SOX13: variants seen among roughly 807,000 people sequenced by gnomAD.
SOX13 encodes the protein transcription factor SOX-13.
A neutral mutation model predicts 71.8 loss-of-function variants in SOX13; 28 were observed. That is an observed-to-expected ratio of 0.39 (90% confidence interval 0.29 to 0.53). The LOEUF is 0.53. Ranked by LOEUF, SOX13 falls within the 20% of genes least tolerant of loss-of-function variation. The pLI is 0.70. For missense variants in SOX13, 627 were observed against 810.3 expected, an observed-to-expected ratio of 0.77 and a Z score of 2.75; for synonymous variants, 309 against 317.8, an observed-to-expected ratio of 0.97 and a Z score of 0.29.
intron 1 of SOX13, among the ~76,000 whole-genome samples, chr1:204,104,460 G>A (rs1293903261): frequency 1.3e-5 from 2 of 152,264 alleles, no homozygotes; most frequent in Admixed American, 1.3e-4. Flanking sequence ...TGGTCTGTGA[G>A]AAGAATGGCA....
chr1:204,092,112 A>G (rs2102232953), intron 1 of SOX13, among the ~76,000 whole-genome samples: 1 of 150,370 alleles, frequency 6.7e-6, no homozygotes, highest in Non-Finnish European at 1.5e-5. Context: ...CAGTGGCACG[A>G]CCCTAGCTCA....
intron 12 of SOX13, among the ~76,000 whole-genome samples, chr1:204,124,281 G>T (rs1339737516): frequency 6.6e-6 from 1 of 152,256 alleles, no homozygotes; most frequent in African/African-American, 2.4e-5. Flanking sequence ...TGTCAACTGA[G>T]ACATCAGGTA....
chr1:204,103,306 C>T (rs554638562), intron 1 of SOX13, among the ~76,000 whole-genome samples: 1 of 152,300 alleles, frequency 6.6e-6, no homozygotes, highest in East Asian at 1.9e-4. Context: ...AGACAGTGGC[C>T]ATTCTATCTC....
At chr1:204,105,231 G>A (rs1446954733) in intron 1 of SOX13, among the ~76,000 whole-genome samples, 1 of 152,196 alleles carries the variant, frequency 6.6e-6, no homozygotes, top group Non-Finnish European at 1.5e-5. Flanking sequence ...GGCGAAGATG[G>A]CTGGAGCCCT....
rs1390209365 is a variant in SOX13, at chr1:204,122,221, G to A, written c.862-16G>A. ...TTTGGTGTCTGTCATCCTCTGACCT[G>A]CTGGGTCTCCCTCAGGAGCCCTCCC... On this transcript the variant is annotated splice_polypyrimidine_tract_variant and intron_variant, in intron 8 of 13. Coordinates refer to ENST00000367204, the MANE Select transcript of SOX13 (RefSeq NM_005686.3). The A allele has an allele frequency of 1.9e-6, 3 of 1,556,574 alleles. No individual in the cohort carries two copies. The highest frequency in any genetic ancestry group is 2.0e-5 in the Admixed American group (1 of 50,898).
chr1:204,091,752 G>A (rs1656150778), intron 1 of SOX13, among the ~76,000 whole-genome samples: 1 of 151,586 alleles, frequency 6.6e-6, no homozygotes, highest in Non-Finnish European at 1.5e-5. Flanking sequence ...GTGTGTGTGT[G>A]TGTGTTTGTG....
chr1:204,124,760 C>T lies in SOX13; in HGVS notation c.1495C>T (p.Arg499Cys), dbSNP rs1442823385. The T allele has an allele frequency of 1.2e-6, 2 of 1,608,448 alleles. No homozygotes were observed. Among genetic ancestry groups the T allele is most frequent in the Non-Finnish European group, 1.7e-6 (2 of 1,177,710 alleles). Residue 499 changes from arginine (R) to cysteine (C), a missense_variant, in exon 13 of 14, where the codon CGC becomes TGC. By Grantham distance (180) the Arg-to-Cys change is radical. Around this residue, in one of 3 missense-constraint regions of SOX13, gnomAD observed 148 missense variants for 192.7 expected, o/e 0.77. Coordinates refer to ENST00000367204, the MANE Select transcript of SOX13 (RefSeq NM_005686.3). Reference sequence around the variant, plus strand: ...CTACAAGTACAAGCCGCGGCCCAAGCGCACCTGCATCGTGGAGGGCAAGCG... The same window carrying T: ...CTACAAGTACAAGCCGCGGCCCAAGTGCACCTGCATCGTGGAGGGCAAGCG... ...PDYKYKPRPK[R>C]TCIVEGKRLR...
Position 204,122,936 on chromosome 1 carries a change from T to C in SOX13, c.1107T>C (p.Asp369=), listed in dbSNP as rs537266252. 45 of 1,590,780 alleles carry C rather than the reference T, an allele frequency of 2.8e-5. 2 individuals are homozygous for C. In the South Asian group the frequency reaches 4.4e-4, roughly 16 times the overall value. The change falls in exon 10 of 14, where the codon GAT becomes GAC. Residue 369 remains aspartate (D), a synonymous_variant. Coordinates refer to ENST00000367204, the MANE Select transcript of SOX13 (RefSeq NM_005686.3). ...TGCACAGCCACAGTGGGGCCTTGGA[T>C]GGCTCCCCCAACACCCCCTTCCGTA... ...QLLHSHSGAL[D]GSPNTPFRKD... is the part of the protein sequence containing the mutation.
chr1:204,117,729 C>T, intron 7 of SOX13, 22 bp downstream of exon 7: 1 of 1,529,150 alleles, frequency 6.5e-7, no homozygotes, highest in Non-Finnish European at 9.0e-7. Flanking sequence ...AAGGGAGGTT[C>T]CACCACTGCG....
At chr1:204,121,475 C>A (rs1037013841) in intron 7 of SOX13, among the ~76,000 whole-genome samples, 9 of 152,300 alleles carry the variant, frequency 5.9e-5, no homozygotes, top group African/African-American at 2.2e-4. Flanking sequence ...TATTCAGCCC[C>A]TGTTATATAT....
intron 1 of SOX13, among the ~76,000 whole-genome samples, chr1:204,090,658 G>A (rs1350938985): frequency 3.3e-5 from 5 of 152,084 alleles, no homozygotes; most frequent in African/African-American, 4.8e-5. Flanking sequence ...TGATCCACCC[G>A]CCTGGGCCTC....
chr1:204,123,177 G>A lies in SOX13; in HGVS notation c.1200G>A (p.Leu400=). Residue 400 remains leucine (L), a synonymous_variant, in exon 11 of 14, where the codon CTG becomes CTA. Transcript: ENST00000367204. The surrounding 1 kb of genome is among the most constrained non-coding windows in gnomAD (Gnocchi z 5.0). Reference sequence around the variant, plus strand: ...TGGAGGACGGCTGTGTGCACCCACTGGAGGAAGCCATGCTGAGCTGCGACA... The same window carrying A: ...TGGAGGACGGCTGTGTGCACCCACTAGAGGAAGCCATGCTGAGCTGCGACA... ...ERLEDGCVHP[L]EEAMLSCDMD... The A allele has an allele frequency of 6.2e-7, 1 of 1,613,660 alleles. No individual in the cohort carries two copies. Among genetic ancestry groups the A allele is most frequent in the South Asian group, 1.1e-5 (1 of 91,076 alleles).
intron 1 of SOX13, among the ~76,000 whole-genome samples, chr1:204,077,710 G>T (rs1655811532): frequency 6.6e-6 from 1 of 152,166 alleles, no homozygotes; most frequent in Admixed American, 6.5e-5. Flanking sequence ...GGTTAGCTCT[G>T]GATACTGGAC....
chr1:204,087,568 T>C (rs1656051809), intron 1 of SOX13, among the ~76,000 whole-genome samples: 1 of 152,278 alleles, frequency 6.6e-6, no homozygotes, highest in Non-Finnish European at 1.5e-5. Context: ...GTCTAGCTTC[T>C]ACTGCTAATG....
chr1:204,118,124 T>TAAAAATAC (rs1656731254), intron 7 of SOX13: 1 of 165,772 alleles, frequency 6.0e-6, no homozygotes, highest in African/African-American at 2.4e-5. Context: ...CCATCTTTAC[T>TAAAAATAC]AAAAATACAA....
At chr1:204,089,867 C>T (rs914842161) in intron 1 of SOX13, among the ~76,000 whole-genome samples, 2 of 152,224 alleles carry the variant, frequency 1.3e-5, no homozygotes, top group Admixed American at 6.5e-5. Flanking sequence ...TTCCCATTTT[C>T]CCTCATTCTC....
chr1:204,112,066 A>C (rs756953886), intron 1 of SOX13, among the ~76,000 whole-genome samples: 92 of 152,206 alleles, frequency 6.0e-4, no homozygotes, highest in Non-Finnish European at 1.1e-3. Context: ...TTTTTACCAC[A>C]AAAACAATTG....
chr1:204,079,948 G>C (rs1655867612), intron 1 of SOX13, among the ~76,000 whole-genome samples: 2 of 152,186 alleles, frequency 1.3e-5, no homozygotes, highest in African/African-American at 4.8e-5. Flanking sequence ...TGTGTGGCCT[G>C]GTATCTCAGA....
At chr1:204,105,607 T>C (rs1251827545) in intron 1 of SOX13, among the ~76,000 whole-genome samples, 1 of 152,056 alleles carries the variant, frequency 6.6e-6, no homozygotes, top group Non-Finnish European at 1.5e-5. Context: ...GGTTTTACCA[T>C]GTTGGCCAGG....
Sources: gnomAD v4.1 joint callset for allele counts (sites outside exome capture counted in the v4.1 genomes callset) on GRCh38, gnomAD v4.1.1 for gene constraint, gnomAD v4.1.1 regional missense constraint, Gnocchi (gnomAD v3.1) non-coding constraint, MANE v1.5 for transcripts, NCBI Gene and HGNC (gene_info 2026-07-23, HGNC 2026-07-21) for gene names.